The following CTNNA2 variants were observed in gnomAD, a reference collection of about 807,000 sequenced individuals.
CTNNA2 encodes catenin alpha 2.
CTNNA2 carries 42 observed loss-of-function variants against 101.0 expected under a neutral mutation model. The ratio of observed to expected loss-of-function variants is 0.42; its 90% CI spans 0.32 to 0.54. CTNNA2 has a LOEUF of 0.54. CTNNA2 is among the 20% of genes least tolerant of loss of function. The pLI is 0.14. For synonymous variants in CTNNA2, 450 were observed against 456.4 expected, an observed-to-expected ratio of 0.99 and a Z score of 0.18; for missense variants, 871 against 1,223.1, an observed-to-expected ratio of 0.71 and a Z score of 4.29.
chr2:79,883,526 C>T (rs1574221947), intron 6 of CTNNA2, among the ~76,000 whole-genome samples: 1 of 152,178 alleles, frequency 6.6e-6, no homozygotes, highest in East Asian at 1.9e-4. Flanking sequence ...GATGTGGCAG[C>T]TTGAGATGGT....
intron 2 of CTNNA2, among the ~76,000 whole-genome samples, chr2:79,262,464 A>G (rs954847529): frequency 1.3e-5 from 2 of 152,186 alleles, no homozygotes; most frequent in African/African-American, 4.8e-5. Flanking sequence ...AAAATATTTC[A>G]TTTAAATAAT....
intron 7 of CTNNA2, among the ~76,000 whole-genome samples, chr2:80,317,248 A>G (rs1678217273): frequency 6.6e-6 from 1 of 152,176 alleles, no homozygotes; most frequent in Non-Finnish European, 1.5e-5. Context: ...ATGTTGACAA[A>G]CATTCACCAG....
chr2:80,537,119 C>T (rs181091771), intron 9 of CTNNA2, among the ~76,000 whole-genome samples: 258 of 152,198 alleles, frequency 1.7e-3, no homozygotes, highest in Non-Finnish European at 2.6e-3. Flanking sequence ...GTTCCCCCTC[C>T]CTGTGTCCAT....
intron 2 of CTNNA2, among the ~76,000 whole-genome samples, chr2:79,206,927 G>A (rs1436756574): frequency 6.6e-6 from 1 of 152,170 alleles, no homozygotes; most frequent in Non-Finnish European, 1.5e-5. Flanking sequence ...CAGTTACTGT[G>A]TAAGCTGAGT....
intron 2 of CTNNA2, among the ~76,000 whole-genome samples, chr2:79,284,381 A>C (rs1224512348): frequency 8.8e-4 from 114 of 129,484 alleles, no homozygotes; most frequent in African/African-American, 3.0e-3. Flanking sequence ...ATTCAGTATG[A>C]TATTGGCTGT....
intron 3 of CTNNA2, among the ~76,000 whole-genome samples, chr2:79,792,327 A>T (rs929629939): frequency 2.0e-5 from 3 of 152,200 alleles, no homozygotes; most frequent in African/African-American, 7.2e-5. Context: ...CAGAGGACAG[A>T]CATGTTTGCT....
chr2:79,663,055 T>C (rs886163267), intron 2 of CTNNA2, among the ~76,000 whole-genome samples: 1 of 152,184 alleles, frequency 6.6e-6, no homozygotes, highest in African/African-American at 2.4e-5. Flanking sequence ...ATCATCGATA[T>C]GCTGACAGCA....
At chr2:79,383,338 T>G (rs947967344) in intron 4 of CTNNA2, among the ~76,000 whole-genome samples, 3 of 152,132 alleles carry the variant, frequency 2.0e-5, no homozygotes, top group East Asian at 1.9e-4. Flanking sequence ...AGGAACATAA[T>G]TAAATGGAGA....
intron 13 of CTNNA2, among the ~76,000 whole-genome samples, chr2:80,577,028 C>T (rs1013409215): frequency 2.0e-5 from 3 of 152,008 alleles, no homozygotes; most frequent in African/African-American, 7.2e-5. Flanking sequence ...TGTTAATCAA[C>T]GTGGCCTCTT....
intron 7 of CTNNA2, chr2:80,288,846 C>T (rs939288258): frequency 6.6e-6 from 1 of 152,098 alleles, no homozygotes; most frequent in African/African-American, 2.4e-5. Context: ...GGTTGGTGGC[C>T]CCGGATAAAC....
intron 2 of CTNNA2, among the ~76,000 whole-genome samples, chr2:79,682,526 T>C (rs1259291632): frequency 1.3e-5 from 2 of 151,986 alleles, no homozygotes; most frequent in Non-Finnish European, 2.9e-5. Context: ...CAAAAGGCTC[T>C]GTAGCTTTCA....
At chr2:79,380,256 C>CT (rs1268018644) in intron 4 of CTNNA2, among the ~76,000 whole-genome samples, 25 of 75,034 alleles carry the variant, frequency 3.3e-4, no homozygotes, top group Non-Finnish European at 3.4e-4. Flanking sequence ...CTGTTCTTTT[C>CT]TTTCTTTTTT....
intron 9 of CTNNA2, among the ~76,000 whole-genome samples, chr2:80,501,464 T>C (rs1302898132): frequency 6.6e-6 from 1 of 152,208 alleles, no homozygotes; most frequent in Non-Finnish European, 1.5e-5. Context: ...GCTTTAGTTC[T>C]CTACCAGCTC....
chr2:80,568,566 C>CG (rs375491630), intron 12 of CTNNA2, among the ~76,000 whole-genome samples: 1 of 149,310 alleles, frequency 6.7e-6, no homozygotes, highest in African/African-American at 2.5e-5. Context: ...TAATGGTGTG[C>CG]GTGTGTGTGT....
chr2:80,033,972 T>TAAAAAAAAAAAAAAAAAAAAAAAATAAA (rs70940069), intron 7 of CTNNA2, among the ~76,000 whole-genome samples: 1 of 84,246 alleles, frequency 1.2e-5, no homozygotes, highest in African/African-American at 5.0e-5. Context: ...GCTTATAATG[T>TAAAAAAAAAAAAAAAAAAAAAAAATAAA]AAAAAAAAAA....
At chr2:80,438,788 C>T (rs1346305446) in intron 9 of CTNNA2, among the ~76,000 whole-genome samples, 1 of 152,122 alleles carries the variant, frequency 6.6e-6, no homozygotes, top group Non-Finnish European at 1.5e-5. Flanking sequence ...CAAGGTTTTC[C>T]CTCTGCTGTG....
chr2:79,342,839 G>T (rs1053275575), intron 3 of CTNNA2, among the ~76,000 whole-genome samples: 3 of 152,130 alleles, frequency 2.0e-5, no homozygotes, highest in Non-Finnish European at 4.4e-5. Flanking sequence ...AGTCTGAAAG[G>T]ATCAGATGGG....
At chr2:80,478,955 T>A (rs1685934659) in intron 9 of CTNNA2, among the ~76,000 whole-genome samples, 1 of 152,060 alleles carries the variant, frequency 6.6e-6, no homozygotes, top group Admixed American at 6.6e-5. Context: ...ATCTGTAGAT[T>A]GCTTTGGGCA....
At chr2:79,641,072 G>A (rs750655785) in intron 1 of CTNNA2, among the ~76,000 whole-genome samples, 8 of 152,166 alleles carry the variant, frequency 5.3e-5, no homozygotes, top group Non-Finnish European at 1.0e-4. Flanking sequence ...TACCCTGATC[G>A]GAGTAGAAGA....
Sources: gnomAD v4.1 joint callset for allele counts (sites outside exome capture counted in the v4.1 genomes callset) on GRCh38, gnomAD v4.1.1 for gene constraint, MANE v1.5 for transcripts, NCBI Gene and HGNC (gene_info 2026-07-23, HGNC 2026-07-21) for gene names.